C6orf15: variants seen among roughly 807,000 people sequenced by gnomAD.
C6orf15 encodes chromosome 6 open reading frame 15, also known as uncharacterized protein C6orf15.
C6orf15 carries 5 observed loss-of-function variants against 2.8 expected under a neutral mutation model. The ratio of observed to expected loss-of-function variants is 1.80; its 90% CI spans 0.94 to 3.78. The LOEUF (loss-of-function observed/expected upper bound fraction) is 3.78, where lower values mean the gene tolerates loss of function less well. Ranked by LOEUF, C6orf15 falls within the 30% of genes most tolerant of loss-of-function variation. The pLI is 0.00. For synonymous variants in C6orf15, 145 were observed against 163.2 expected, an observed-to-expected ratio of 0.89 and a Z score of 0.85; for missense variants, 363 against 418.8, an observed-to-expected ratio of 0.87 and a Z score of 1.16.
rs1429491895 is a variant in C6orf15 at position 31,111,954 on chromosome 6, G to A, written c.405C>T (p.Leu135=). The change falls in exon 2 of 2, where the codon CTC becomes CTT. Residue 135 remains leucine (L), a synonymous_variant. Coordinates refer to ENST00000259870, the MANE Select transcript of C6orf15 (RefSeq NM_014070.3). ...DRLGEALPEE[L]SYLSSAAALA... is the part of the protein sequence containing the mutation. ...GGGCCGCAGCACTGGAGAGGTAAGA[G>A]AGTTCTTCAGGCAGCGCTTCCCCCA... 3.1e-6 allele frequency: 5 copies of A among 1,612,982 alleles called. No individual in the cohort carries two copies. Among genetic ancestry groups the A allele is most frequent in the Non-Finnish European group, 4.2e-6 (5 of 1,179,996 alleles).
chr6:31,112,446 G>C (rs369036294), intron 1 of C6orf15, 43 bp downstream of exon 1: 7 of 1,488,948 alleles, frequency 4.7e-6, no homozygotes, highest in Non-Finnish European at 4.5e-6. Flanking sequence ...TTTCCTGGGG[G>C]ACCTCCAGTC....
intron 1 of C6orf15, 47 bp downstream of exon 1, chr6:31,112,441 TG>T (rs773695202): frequency 3.4e-6 from 5 of 1,479,156 alleles, no homozygotes; most frequent in Middle Eastern, 1.7e-4. Flanking sequence ...TCCTGTTTCC[TG>T]GGGGACCTCC....
intron 1 of C6orf15, 83 bp downstream of exon 1, chr6:31,112,405 CT>C: frequency 6.9e-7 from 1 of 1,449,348 alleles, no homozygotes; most frequent in Non-Finnish European, 9.4e-7. Flanking sequence ...AATGTGTACC[CT>C]CCTGCCTTTA....
In C6orf15 at chr6:31,111,396, C is replaced by A; in HGVS notation, c.963G>T (p.Arg321Ser). Residue 321 changes from arginine to serine, a missense_variant, in exon 2 of 2, where the codon AGG becomes AGT. Arg to Ser is a moderately radical substitution (Grantham distance 110, BLOSUM62 -1). Transcript: ENST00000259870. Reference protein sequence around the residue: ...PAGFPNPPSPRLQWG With the variant: ...PAGFPNPPSPSLQWG ...CTATCGTGCTCTAGCCCCACTGCAACCTAGGGCTTGGAGGATTAGGGAAGC... is the reference window on the plus strand; with the variant it reads ...CTATCGTGCTCTAGCCCCACTGCAAACTAGGGCTTGGAGGATTAGGGAAGC... The A allele has an allele frequency of 6.2e-7, 1 of 1,602,014 alleles. No individual in the cohort carries two copies. Among genetic ancestry groups the A allele is most frequent in the Non-Finnish European group, 8.5e-7 (1 of 1,171,752 alleles).
Position 31,111,667 on chromosome 6 carries a change from G to C in C6orf15, c.692C>G (p.Pro231Arg). The change falls in exon 2 of 2, where the codon CCC (proline) becomes CGC (arginine). Residue 231 changes from proline (P) to arginine (R), a missense_variant. By Grantham distance (103) the Pro-to-Arg change is moderately radical. Transcript: ENST00000259870. ...GGPGTGWGTR[P>R]MPHPEGIWGI... is the part of the protein sequence containing the mutation. ...CCAGATTCCCTCAGGGTGTGGCATG[G>C]GCCTCGTTCCCCAACCAGTCCCAGG... is the stretch of plus-strand genomic sequence containing the variant. 1 of 1,611,218 alleles carries C rather than the reference G, an allele frequency of 6.2e-7. No individual in the cohort carries two copies. The highest frequency in any genetic ancestry group is 8.5e-7 in the Non-Finnish European group (1 of 1,178,726).
chr6:31,111,264 G>A lies in C6orf15; in HGVS notation c.*117C>T, dbSNP rs1287253780. On this transcript the variant is annotated 3_prime_UTR_variant, in exon 2 of 2. Coordinates refer to ENST00000259870, the MANE Select transcript of C6orf15 (RefSeq NM_014070.3). ...ATTTTATTGGAGATGAGCAGGGGAGGCACTGAAAAGTGGGGATAGTGCTGG... is the reference window on the plus strand; with the variant it reads ...ATTTTATTGGAGATGAGCAGGGGAGACACTGAAAAGTGGGGATAGTGCTGG... The A allele has an allele frequency of 2.3e-6, 2 of 856,694 alleles. No individual in the cohort carries two copies. Among genetic ancestry groups the A allele is most frequent in the Admixed American group, 5.8e-5 (2 of 34,198 alleles). 53.1% of individuals were successfully genotyped at this position (856,694 alleles called of 1,614,324 possible).
rs997671041 is a variant in C6orf15, at chr6:31,111,350, C to T, written c.*31G>A. 3.3e-6 allele frequency: 5 copies of T among 1,535,676 alleles called. No homozygotes were observed. In the Admixed American group the frequency reaches 5.7e-5, roughly 18 times the overall value. ...GCAAGGGGCGGGAGCAGGACTCTAA[C>T]TCCCAATGTTGGGTTTCCCTCTATC... is the stretch of plus-strand genomic sequence containing the variant. On this transcript the variant is annotated 3_prime_UTR_variant, in exon 2 of 2. Coordinates refer to ENST00000259870, the MANE Select transcript of C6orf15 (RefSeq NM_014070.3).
At position 31,111,375 on chromosome 6, in the gene C6orf15, C is replaced by T. The variant is rs770680892; in HGVS notation, c.*6G>A. ...CTCCCAATGTTGGGTTTCCCTCTAT[C>T]GTGCTCTAGCCCCACTGCAACCTAG... is the stretch of plus-strand genomic sequence containing the variant. On this transcript the variant is annotated 3_prime_UTR_variant, in exon 2 of 2. Coordinates refer to ENST00000259870, the MANE Select transcript of C6orf15 (RefSeq NM_014070.3). The T allele has an allele frequency of 4.6e-4, 733 of 1,581,522 alleles. No homozygotes were observed. The highest frequency in any genetic ancestry group is 6.1e-4 in the Non-Finnish European group (710 of 1,159,020).
rs1562743845 is a variant in C6orf15, at chr6:31,111,934, G to A, written c.425C>T (p.Ala142Val). The A allele has an allele frequency of 1.9e-6, 3 of 1,612,984 alleles. No homozygotes were observed. Among genetic ancestry groups the A allele is most frequent in the South Asian group, 1.1e-5 (1 of 91,086 alleles). The change falls in exon 2 of 2, where the codon GCG becomes GTG. Residue 142 changes from alanine (A) to valine (V), a missense_variant. By Grantham distance (64) the Ala-to-Val change is moderately conservative. Transcript: ENST00000259870. ...PEELSYLSSA[A>V]ALAPGSGPLP... Reference sequence around the variant, plus strand: ...AGGGCCACTGCCCGGAGCGAGGGCCGCAGCACTGGAGAGGTAAGAGAGTTC... The same window carrying A: ...AGGGCCACTGCCCGGAGCGAGGGCCACAGCACTGGAGAGGTAAGAGAGTTC...
chr6:31,111,646 A>T lies in C6orf15; in HGVS notation c.713T>A (p.Ile238Asn). 1.2e-6 allele frequency: 2 copies of T among 1,612,816 alleles called. No homozygotes were observed. The highest frequency in any genetic ancestry group is 1.7e-6 in the Non-Finnish European group (2 of 1,179,902). ...GTRPMPHPEG[I>N]WGINNQPPGT... ...TGGGGGTTGATTATTGATACCCCAG[A>T]TTCCCTCAGGGTGTGGCATGGGCCT... The change falls in exon 2 of 2, where the codon ATC (isoleucine) becomes AAC (asparagine). Residue 238 changes from isoleucine (I) to asparagine (N), a missense_variant. Coordinates refer to ENST00000259870, the MANE Select transcript of C6orf15 (RefSeq NM_014070.3).
rs1253504024 is a variant in C6orf15, at chr6:31,111,480, A to G, written c.879T>C (p.Asn293=). The change falls in exon 2 of 2, where the codon AAT becomes AAC. Residue 293 remains asparagine, a synonymous_variant. Coordinates refer to ENST00000259870, the MANE Select transcript of C6orf15 (RefSeq NM_014070.3). ...GGAGGACTCCAGGAGGAAATGGGTT[A>G]TTGATACCTGGGTATAGATGAATAT... ...WGNIHLYPGI[N]NPFPPGVLRP... is the part of the protein sequence containing the mutation. 1 of 1,612,756 alleles carries G rather than the reference A, an allele frequency of 6.2e-7. No homozygotes were observed. Among genetic ancestry groups the G allele is most frequent in the Non-Finnish European group, 8.5e-7 (1 of 1,179,930 alleles).
At chr6:31,112,321 T>TC in intron 1 of C6orf15, 30 bp from the exon 2 acceptor site, 1 of 1,581,438 alleles carries the variant, frequency 6.3e-7, no homozygotes, top group Non-Finnish European at 8.6e-7. Context: ...AAGCAACCAG[T>TC]GGTCTCCAGT....
intron 1 of C6orf15, 40 bp from the exon 2 acceptor site, chr6:31,112,331 T>G: frequency 6.4e-7 from 1 of 1,559,440 alleles, no homozygotes; most frequent in East Asian, 2.2e-5. Flanking sequence ...TGGTCTCCAG[T>G]CCCCGAGTCC....
chr6:31,111,772 G>T lies in C6orf15; in HGVS notation c.587C>A (p.Pro196His). The T allele has an allele frequency of 1.2e-6, 2 of 1,612,876 alleles. No individual in the cohort carries two copies. The highest frequency in any genetic ancestry group is 1.7e-6 in the Non-Finnish European group (2 of 1,179,954). Residue 196 changes from proline to histidine, a missense_variant, in exon 2 of 2, where the codon CCC becomes CAC. Pro to His is a moderately conservative substitution (Grantham distance 77). Transcript: ENST00000259870. ...AGGKILSQRPPWSLIHRVLPD... is the reference protein window; with the variant it reads ...AGGKILSQRPHWSLIHRVLPD... ...CAGAACCCTGTGGATGAGAGACCAGGGAGGGCGTTGGGAAAGGATTTTTCC... is the reference window on the plus strand; with the variant it reads ...CAGAACCCTGTGGATGAGAGACCAGTGAGGGCGTTGGGAAAGGATTTTTCC...
Position 31,112,110 on chromosome 6 carries a change from T to C in C6orf15, c.249A>G (p.Ala83=), listed in dbSNP as rs1439925992. The C allele has an allele frequency of 5.6e-6, 9 of 1,613,930 alleles. No individual in the cohort carries two copies. The highest frequency in any genetic ancestry group is 2.2e-5 in the East Asian group (1 of 44,894). ...CTCCTGCAGGTGGGAAGCCATCTGA[T>C]GCAGGCACGCTGAGCTTCAGAGGAA... ...ARVPLKLSVP[A]SDGFPPAGGS... Residue 83 remains alanine (A), a synonymous_variant, in exon 2 of 2, where the codon GCA becomes GCG. Transcript: ENST00000259870.
In C6orf15 at chr6:31,111,978, C is replaced by A; in HGVS notation, c.381G>T (p.Leu127=). The A allele has an allele frequency of 6.2e-7, 1 of 1,613,402 alleles. No individual in the cohort carries two copies. Residue 127 remains leucine (L), a synonymous_variant, in exon 2 of 2, where the codon CTG becomes CTT. Transcript: ENST00000259870. ...QMMAAAAEDR[L]GEALPEELSY... ...AGAGTTCTTCAGGCAGCGCTTCCCC[C>A]AGGCGGTCCTCAGCCGCAGCAGCCA...
intron 1 of C6orf15, 84 bp from the exon 2 acceptor site, chr6:31,112,375 C>T (rs1465135214): frequency 6.8e-7 from 1 of 1,479,930 alleles, no homozygotes; most frequent in Non-Finnish European, 9.2e-7. Context: ...GCCTATTCTT[C>T]CTTTTCCCTC....
rs781426982 is a variant in C6orf15, at chr6:31,111,676, C to A, written c.683G>T (p.Gly228Val). ...WGGGGPGTGW[G>V]TRPMPHPEGI... ...CTCAGGGTGTGGCATGGGCCTCGTT[C>A]CCCAACCAGTCCCAGGGCCTCCACC... Residue 228 changes from glycine (G) to valine (V), a missense_variant, in exon 2 of 2, where the codon GGA becomes GTA. Physicochemically the swap from Gly to Val is moderately radical, Grantham distance 109. Coordinates refer to ENST00000259870, the MANE Select transcript of C6orf15 (RefSeq NM_014070.3). 2 of 1,610,326 alleles carry A rather than the reference C, an allele frequency of 1.2e-6. No homozygotes were observed. Among genetic ancestry groups the A allele is most frequent in the Non-Finnish European group, 1.7e-6 (2 of 1,178,102 alleles).
rs1771810525 is a variant in C6orf15 at position 31,111,984 on chromosome 6, G to A, written c.375C>T (p.Asp125=). ...CTTCAGGCAGCGCTTCCCCCAGGCG[G>A]TCCTCAGCCGCAGCAGCCATCATCT... ...PWQMMAAAAE[D]RLGEALPEEL... The change falls in exon 2 of 2, where the codon GAC becomes GAT. Residue 125 remains aspartate, a synonymous_variant. Transcript: ENST00000259870. 2 of 1,613,460 alleles carry A rather than the reference G, an allele frequency of 1.2e-6. No homozygotes were observed. The highest frequency in any genetic ancestry group is 1.7e-6 in the Non-Finnish European group (2 of 1,180,012).
Sources: gnomAD v4.1 joint callset for allele counts on GRCh38, gnomAD v4.1.1 for gene constraint, MANE v1.5 for transcripts, NCBI Gene and HGNC (gene_info 2026-07-23, HGNC 2026-07-21) for gene names.